SMAD3: variants seen among roughly 807,000 people sequenced by gnomAD.
SMAD3 encodes the protein SMAD family member 3, also known as MAD homolog 3.
SMAD3 carries 12 observed loss-of-function variants against 51.8 expected under a neutral mutation model. The ratio of observed to expected loss-of-function variants is 0.23; its 90% confidence interval spans 0.15 to 0.38. The LOEUF is 0.38. SMAD3 is among the 10% of genes least tolerant of loss of function. The pLI is 1.00. For synonymous variants in SMAD3, 238 were observed against 227.7 expected (o/e 1.05, Z -0.41); for missense variants, 294 against 565.6 (o/e 0.52, Z 4.87).
At chr15:67,075,788 G>T (rs765368815) in intron 1 of SMAD3, among the ~76,000 whole-genome samples, 1 of 151,906 alleles carries the variant, frequency 6.6e-6, no homozygotes, top group Non-Finnish European at 1.5e-5. Flanking sequence ...GGTAGCGGGC[G>T]CCTGTAATTT....
intron 1 of SMAD3, among the ~76,000 whole-genome samples, chr15:67,117,083 A>T (rs1467762282): frequency 6.6e-6 from 1 of 152,076 alleles, no homozygotes; most frequent in Non-Finnish European, 1.5e-5. Flanking sequence ...ATTTTTCTAA[A>T]TATGTCTCTG....
chr15:67,168,911 G>A (rs530496000), intron 4 of SMAD3, among the ~76,000 whole-genome samples: 3 of 152,150 alleles, frequency 2.0e-5, no homozygotes, highest in East Asian at 1.9e-4. Flanking sequence ...GTAGTGTCTC[G>A]GGCCAGAGGG....
chr15:67,069,297 A>G (rs1006242187), intron 1 of SMAD3, among the ~76,000 whole-genome samples: 1 of 152,146 alleles, frequency 6.6e-6, no homozygotes, highest in Admixed American at 6.5e-5. Flanking sequence ...GGCTGTCAGG[A>G]TACTCTGAGG....
At chr15:67,142,262 T>C (rs146733905) in intron 1 of SMAD3, among the ~76,000 whole-genome samples, 203 of 151,986 alleles carry the variant, frequency 1.3e-3, no homozygotes, top group African/African-American at 4.7e-3. Flanking sequence ...GGTTTTTTTT[T>C]TCCCCCGTAC....
chr15:67,107,215 A>T (rs896564741), intron 1 of SMAD3, among the ~76,000 whole-genome samples: 3 of 152,140 alleles, frequency 2.0e-5, no homozygotes, highest in Non-Finnish European at 4.4e-5. Flanking sequence ...GTAGTCAGTC[A>T]TTGGGCCTTG....
At chr15:67,092,837 G>A (rs745695488) in intron 1 of SMAD3, among the ~76,000 whole-genome samples, 6 of 152,206 alleles carry the variant, frequency 3.9e-5, no homozygotes, top group Non-Finnish European at 7.3e-5. Context: ...ACGGTTAAAT[G>A]TAATAACAGG....
intron 1 of SMAD3, among the ~76,000 whole-genome samples, chr15:67,098,015 C>T (rs1246892738): frequency 6.6e-6 from 1 of 152,160 alleles, no homozygotes; most frequent in African/African-American, 2.4e-5. Flanking sequence ...CTGTCCATTC[C>T]CTACTAAGCC....
chr15:67,083,693 C>T (rs1342253801), intron 1 of SMAD3, among the ~76,000 whole-genome samples: 3 of 152,186 alleles, frequency 2.0e-5, no homozygotes, highest in African/African-American at 7.2e-5. Flanking sequence ...GCTAGGGACC[C>T]CTCAGCTCCA....
In SMAD3 at chr15:67,144,256, A is replaced by G. The variant is rs1961913657; in HGVS notation, c.207-20639A>G. The stretch of plus-strand genomic sequence containing the variant: ...ATATAAATGGAATCATACTATATGT[A>G]TGACTTTTGTCTGATTTTTTTTAAT... On this transcript the variant is annotated intron_variant, in intron 1 of 8. Coordinates refer to ENST00000327367, the MANE Select transcript of SMAD3 (RefSeq NM_005902.4). Among the ~76,000 whole-genome samples the G allele has an allele frequency of 1.3e-5, 2 of 152,088 alleles. 1 individual carries two copies. Among genetic ancestry groups the G allele is most frequent in the Admixed American group, 1.3e-4 (2 of 15,266 alleles).
intron 1 of SMAD3, among the ~76,000 whole-genome samples, chr15:67,113,096 T>TATATATATATATATATATATATATATATA (rs58255931): frequency 5.8e-5 from 5 of 86,906 alleles, no homozygotes; most frequent in Non-Finnish European, 9.9e-5. Flanking sequence ...ATATATATAT[T>TATATATATATATATATATATATATATATA]TTTTTGAGAC....
intron 1 of SMAD3, among the ~76,000 whole-genome samples, chr15:67,086,701 G>A (rs754785052): frequency 1.3e-5 from 2 of 152,084 alleles, no homozygotes; most frequent in African/African-American, 2.4e-5. Context: ...CTTAGAAATG[G>A]AAAATATAGT....
intron 1 of SMAD3, chr15:67,138,337 C>T (rs1187600746): frequency 6.1e-6 from 3 of 488,832 alleles, no homozygotes; most frequent in Non-Finnish European, 1.1e-5. Flanking sequence ...CTGCTCCCCT[C>T]CCCTGAACCC....
intron 1 of SMAD3, among the ~76,000 whole-genome samples, chr15:67,066,579 T>G (rs930489833): frequency 6.6e-6 from 1 of 152,214 alleles, no homozygotes; most frequent in Non-Finnish European, 1.5e-5. Context: ...AGCCCGAGGC[T>G]TCCACGCGGC....
chr15:67,075,914 C>CA (rs397702867), intron 1 of SMAD3, among the ~76,000 whole-genome samples: 65,066 of 139,930 alleles, frequency 0.46, 14,621 homozygotes, highest in South Asian at 0.66. Flanking sequence ...GACTCTGTCT[C>CA]AAAAAAAAAA....
chr15:67,138,519 C>T (rs1014973452), intron 1 of SMAD3: 2 of 158,954 alleles, frequency 1.3e-5, no homozygotes, highest in East Asian at 1.8e-4. Flanking sequence ...CTGAATTCAT[C>T]TGTGTAAGTA....
chr15:67,077,106 G>A (rs2140200430), intron 1 of SMAD3, among the ~76,000 whole-genome samples: 1 of 152,280 alleles, frequency 6.6e-6, no homozygotes, highest in African/African-American at 2.4e-5. Context: ...TATTGGTCAA[G>A]GCAGGATGAT....
chr15:67,139,323 C>T (rs1320066231), intron 1 of SMAD3, among the ~76,000 whole-genome samples: 3 of 152,110 alleles, frequency 2.0e-5, no homozygotes, highest in Admixed American at 6.5e-5. Flanking sequence ...AATGTCAAGA[C>T]GGCAATATTA....
At chr15:67,166,667 T>A (rs1962598074) in intron 3 of SMAD3, 112 bp from the exon 4 acceptor site, 2 of 765,376 alleles carry the variant, frequency 2.6e-6, no homozygotes, top group South Asian at 1.5e-5. Flanking sequence ...CTGGAGCTCC[T>A]ACAGCCACGG....
chr15:67,190,036 C>T (rs1045798936), intron 8 of SMAD3, among the ~76,000 whole-genome samples: 11 of 151,968 alleles, frequency 7.2e-5, no homozygotes, highest in African/African-American at 2.4e-4. Flanking sequence ...CCGTTTGGTA[C>T]AGATGGGAGC....
Sources: gnomAD v4.1 joint callset for allele counts (sites outside exome capture counted in the v4.1 genomes callset) on GRCh38, gnomAD v4.1.1 for gene constraint, MANE v1.5 for transcripts, NCBI Gene and HGNC (gene_info 2026-07-23, HGNC 2026-07-21) for gene names.